PTGER3: variants seen among roughly 807,000 people sequenced by gnomAD.
The protein encoded by PTGER3 is prostaglandin E receptor 3.
A neutral mutation model predicts 34.7 loss-of-function variants in PTGER3; 22 were observed. The ratio of observed to expected loss-of-function variants is 0.63; its 90% CI spans 0.45 to 0.91. The LOEUF is 0.91. PTGER3 is among the 40% of genes least tolerant of loss of function. PTGER3 has a pLI of 0.00. For missense variants in PTGER3, 468 were observed against 519.4 expected (o/e 0.90, Z 0.96); for synonymous variants, 241 against 230.1 (o/e 1.05, Z -0.43).
Position 70,867,194 on chromosome 1 carries a change from T to C in PTGER3, c.*24-14335A>G, listed in dbSNP as rs150733083. Among the ~76,000 whole-genome samples, 205 of 152,348 alleles carry C rather than the reference T, an allele frequency of 1.3e-3. 2 individuals carry two copies. The highest frequency in any genetic ancestry group is 4.4e-3 in the African/African-American group (184 of 41,590). Reference sequence around the variant, plus strand: ...CTTCTCCACCTCTAAGAGTTCTAACTTGTCATGCAAGGCTTTTGTATTATC... The same window carrying C: ...CTTCTCCACCTCTAAGAGTTCTAACCTGTCATGCAAGGCTTTTGTATTATC... On this transcript the variant is annotated intron_variant, in intron 4 of 4. Coordinates refer to the PTGER3 transcript ENST00000370931.
chr1:71,042,599 T>G (rs902851557), intron 1 of PTGER3, among the ~76,000 whole-genome samples: 1 of 152,132 alleles, frequency 6.6e-6, no homozygotes, highest in Non-Finnish European at 1.5e-5. Flanking sequence ...TCACTTTCTC[T>G]GAAGCAACAT....
intron 4 of PTGER3, among the ~76,000 whole-genome samples, chr1:70,935,118 G>A (rs970028107): frequency 6.6e-6 from 1 of 152,062 alleles, no homozygotes; most frequent in African/African-American, 2.4e-5. Flanking sequence ...GTGCAAGAAA[G>A]TATCTACAGG....
At chr1:70,956,822 G>A (rs1651388946) in intron 2 of PTGER3, among the ~76,000 whole-genome samples, 1 of 152,104 alleles carries the variant, frequency 6.6e-6, no homozygotes, top group Admixed American at 6.5e-5. Flanking sequence ...TGGCCAACAT[G>A]GTGAAACCCC....
At chr1:70,946,443 G>A (rs144339052) in intron 4 of PTGER3, among the ~76,000 whole-genome samples, 1,589 of 152,198 alleles carry the variant, frequency 0.01, 28 homozygotes, top group African/African-American at 0.036. Context: ...TCTACAGTGC[G>A]TGCTCTTTAC....
intron 3 of PTGER3, 36 bp downstream of exon 3, chr1:70,974,261 G>C: frequency 6.2e-7 from 1 of 1,610,538 alleles, no homozygotes; most frequent in Non-Finnish European, 8.5e-7. Flanking sequence ...ACGGGGGAAG[G>C]CTATGCTATA....
intron 2 of PTGER3, among the ~76,000 whole-genome samples, chr1:70,963,802 T>C (rs1425409229): frequency 6.6e-6 from 1 of 152,176 alleles, no homozygotes; most frequent in African/African-American, 2.4e-5. Flanking sequence ...CCTGGTTACT[T>C]ATGCAAATTT....
At chr1:71,041,597 T>C (rs1046709726) in intron 1 of PTGER3, among the ~76,000 whole-genome samples, 7 of 152,138 alleles carry the variant, frequency 4.6e-5, no homozygotes, top group African/African-American at 1.2e-4. Flanking sequence ...TTTATGAAAG[T>C]TGGAAGTTTC....
chr1:70,865,853 T>C lies in PTGER3; in HGVS notation c.*24-12994A>G, dbSNP rs556122954. ...AGGAGCCTGAAGAGAAGAGCAGAGA[T>C]GACATGACTAGAGAGGCAGGAAGAC... On this transcript the variant is annotated intron_variant, in intron 4 of 4. Coordinates refer to the PTGER3 transcript ENST00000370931. 14 of 1,320,492 alleles carry C rather than the reference T, an allele frequency of 1.1e-5. No individual in the cohort carries two copies. In the African/African-American group the frequency reaches 2.1e-4, roughly 20 times the overall value. 81.8% of individuals were successfully genotyped at this position (1,320,492 alleles called of 1,614,324 possible).
intron 3 of PTGER3, among the ~76,000 whole-genome samples, chr1:70,972,735 T>C (rs1653220216): frequency 6.6e-6 from 1 of 152,086 alleles, no homozygotes; most frequent in South Asian, 2.1e-4. Flanking sequence ...GAAATGCTTA[T>C]TTTATGCTAA....
chr1:71,041,197 C>T (rs1156402728), intron 1 of PTGER3, among the ~76,000 whole-genome samples: 1 of 152,142 alleles, frequency 6.6e-6, no homozygotes, highest in Non-Finnish European at 1.5e-5. Flanking sequence ...TTTAATACAC[C>T]TAACATACTG....
At chr1:70,892,369 T>C (rs1240656157) in intron 4 of PTGER3, among the ~76,000 whole-genome samples, 1 of 152,210 alleles carries the variant, frequency 6.6e-6, no homozygotes, top group Non-Finnish European at 1.5e-5. Flanking sequence ...GAATAGTAAA[T>C]GGTGACTGCC....
intron 3 of PTGER3, among the ~76,000 whole-genome samples, chr1:70,972,852 C>T (rs1304950496): frequency 6.6e-6 from 1 of 151,996 alleles, no homozygotes; most frequent in African/African-American, 2.4e-5. Flanking sequence ...CATACACTAA[C>T]ATGATACTGA....
downstream of PTGER3, among the ~76,000 whole-genome samples, chr1:70,967,659 C>T (rs1204667461): frequency 6.6e-6 from 1 of 152,066 alleles, no homozygotes; most frequent in Non-Finnish European, 1.5e-5. Context: ...ATATTTTATA[C>T]AGATCCTTAA....
chr1:70,953,106 CA>C (rs1650938171), intron 3 of PTGER3: 1 of 1,454,740 alleles, frequency 6.9e-7, no homozygotes, highest in Non-Finnish European at 9.2e-7. Context: ...TAAAAAATAA[CA>C]ATATGAAAAT....
intron 4 of PTGER3, among the ~76,000 whole-genome samples, chr1:70,907,189 G>GA (rs1242655297): frequency 6.6e-6 from 1 of 152,168 alleles, no homozygotes; most frequent in Non-Finnish European, 1.5e-5. Flanking sequence ...TTTAGCTATG[G>GA]AAAATCACCT....
At chr1:70,926,145 T>A (rs1169786438) in intron 4 of PTGER3, among the ~76,000 whole-genome samples, 2 of 152,138 alleles carry the variant, frequency 1.3e-5, no homozygotes, top group Non-Finnish European at 2.9e-5. Flanking sequence ...AACATAGTGG[T>A]TGTAGGGACA....
intron 1 of PTGER3, among the ~76,000 whole-genome samples, chr1:71,039,080 C>G (rs1660066872): frequency 6.6e-6 from 1 of 152,166 alleles, no homozygotes; most frequent in African/African-American, 2.4e-5. Context: ...CATTTAACTC[C>G]AACACAGAGG....
At chr1:70,919,783 T>C (rs958213771) in intron 4 of PTGER3, among the ~76,000 whole-genome samples, 22 of 152,212 alleles carry the variant, frequency 1.4e-4, no homozygotes, top group African/African-American at 5.1e-4. Context: ...CTCTGTGTAG[T>C]AGAGAGGAAA....
intron 1 of PTGER3, among the ~76,000 whole-genome samples, chr1:71,032,920 T>C (rs1324547579): frequency 6.6e-6 from 1 of 152,206 alleles, no homozygotes; most frequent in Non-Finnish European, 1.5e-5. Flanking sequence ...TTCTGAGACC[T>C]AGCCTGGAAA....
Sources: gnomAD v4.1 joint callset for allele counts (sites outside exome capture counted in the v4.1 genomes callset) on GRCh38, gnomAD v4.1.1 for gene constraint, MANE v1.5 for transcripts, NCBI Gene and HGNC (gene_info 2026-07-23, HGNC 2026-07-21) for gene names.